UNC93A: variants seen among roughly 807,000 people sequenced by gnomAD.
UNC93A encodes N-acetylglucosamine transporter UNC93A.
Under a neutral mutation model 47.5 loss-of-function variants are expected in UNC93A, and 43 were observed. That is an observed-to-expected ratio of 0.91 (90% CI 0.71 to 1.17). The LOEUF (loss-of-function observed/expected upper bound fraction) is 1.17. UNC93A is among the 50% of genes most tolerant of loss of function. UNC93A has a pLI of 0.00. For synonymous variants in UNC93A, 280 were observed against 258.0 expected (o/e 1.09, Z -0.82); for missense variants, 605 against 577.6 (o/e 1.05, Z -0.49).
In UNC93A at chr6:167,307,771, AC is replaced by A; in HGVS notation, c.977-3del. ...CATCGCCTGGCGGTTTCCCCTCTGC[AC>A]CCCCAGGCGCGGTGACCCACGTGTC... On this transcript the variant is annotated splice_region_variant and splice_polypyrimidine_tract_variant and intron_variant, in intron 6 of 7. Coordinates refer to ENST00000230256, the MANE Select transcript of UNC93A (RefSeq NM_018974.4). 6.3e-7 allele frequency: 1 copy of A among 1,586,740 alleles called. No homozygotes were observed. The highest frequency in any genetic ancestry group is 8.5e-7 in the Non-Finnish European group (1 of 1,170,254).
chr6:167,310,526 G>A (rs1228436512), intron 7 of UNC93A, among the ~76,000 whole-genome samples: 1 of 152,274 alleles, frequency 6.6e-6, no homozygotes, highest in African/African-American at 2.4e-5. Context: ...AATAAGGGAT[G>A]CTAATTTAAA....
intron 2 of UNC93A, among the ~76,000 whole-genome samples, chr6:167,295,381 C>A (rs1379393083): frequency 6.6e-6 from 1 of 151,962 alleles, no homozygotes; most frequent in African/African-American, 2.4e-5. Context: ...TGTCCCTCGG[C>A]CTCCCTCGTG....
At chr6:167,287,006 T>G (rs1212284086), upstream of UNC93A, among the ~76,000 whole-genome samples, 1 of 140,392 alleles carries the variant, frequency 7.1e-6, no homozygotes, top group East Asian at 2.0e-4. Flanking sequence ...AAAAAAAAAT[T>G]CCAGCATAAT....
chr6:167,305,077 C>G (rs1016085182), intron 5 of UNC93A, among the ~76,000 whole-genome samples: 10 of 151,816 alleles, frequency 6.6e-5, no homozygotes, highest in African/African-American at 1.2e-4. Context: ...GGCAGAGGCT[C>G]TCCTTCCGGA....
chr6:167,285,960 C>CTA lies in UNC93A; in HGVS notation c.-51-5460_-51-5459dup, dbSNP rs71554919. ...TCTTTCTCTCTCTCTCTCTCTCTCT[C>CTA]TATATATATATATATATATACACAC... On this transcript the variant is annotated intron_variant, in intron 1 of 3. Coordinates refer to the UNC93A transcript ENST00000503433. Among the ~76,000 whole-genome samples, 248 of 139,376 alleles carry CTA rather than the reference C, an allele frequency of 1.8e-3. 3 individuals carry two copies. The highest frequency in any genetic ancestry group is 3.7e-3 in the African/African-American group (143 of 38,606). The allele number at this position is 139,376 out of a possible 152,430, so 91.4% of individuals were successfully genotyped here.
chr6:167,298,171 CT>C, intron 4 of UNC93A, 101 bp downstream of exon 4: 1 of 1,491,646 alleles, frequency 6.7e-7, no homozygotes, highest in Non-Finnish European at 8.9e-7. Context: ...AAAGTAATCT[CT>C]CTTCTTCTGA....
At chr6:167,284,693 G>C (rs1397571270) in intron 1 of UNC93A, among the ~76,000 whole-genome samples, 2 of 152,288 alleles carry the variant, frequency 1.3e-5, no homozygotes, top group African/African-American at 4.8e-5. Context: ...GGATTCCTTG[G>C]AAAAACAGAG....
intron 7 of UNC93A, among the ~76,000 whole-genome samples, chr6:167,308,297 C>T (rs1020177349): frequency 1.4e-4 from 21 of 152,126 alleles, no homozygotes; most frequent in African/African-American, 4.8e-4. Flanking sequence ...TGTACCTGGG[C>T]CTGGGGTGTA....
intron 1 of UNC93A, among the ~76,000 whole-genome samples, chr6:167,284,373 G>C (rs564059181): frequency 1.3e-3 from 204 of 152,126 alleles, no homozygotes; most frequent in Non-Finnish European, 1.8e-4. Context: ...CTGATGAGCA[G>C]ATAAATCAAG....
chr6:167,282,903 T>C (rs1368934758), intron 1 of UNC93A, among the ~76,000 whole-genome samples: 1 of 152,140 alleles, frequency 6.6e-6, no homozygotes, highest in Non-Finnish European at 1.5e-5. Flanking sequence ...ATTTTCTGAT[T>C]GGTAATCGGT....
At chr6:167,303,204 CATGCCTGCTTT>C (rs1370276649) in intron 4 of UNC93A, among the ~76,000 whole-genome samples, 1 of 152,206 alleles carries the variant, frequency 6.6e-6, no homozygotes, top group African/African-American at 2.4e-5. Context: ...ATAGAAAGTC[CATGCCTGCTTT>C]ATTCCTAGAC....
chr6:167,303,531 C>G (rs563344958), intron 4 of UNC93A, among the ~76,000 whole-genome samples: 4 of 150,816 alleles, frequency 2.7e-5, no homozygotes, highest in Non-Finnish European at 5.9e-5. Context: ...AATCATTATC[C>G]TAAAAAAAAA....
chr6:167,291,299 A>T, upstream of UNC93A: 1 of 488,528 alleles, frequency 2.0e-6, no homozygotes, highest in Non-Finnish European at 3.6e-6. Context: ...TCATGGGGTC[A>T]GTGATAACCA....
At chr6:167,290,255 T>A (rs868791583), upstream of UNC93A, among the ~76,000 whole-genome samples, 3 of 152,214 alleles carry the variant, frequency 2.0e-5, no homozygotes, top group Non-Finnish European at 2.9e-5. Flanking sequence ...CATGTTTAGT[T>A]AATATAAAAA....
intron 1 of UNC93A, among the ~76,000 whole-genome samples, chr6:167,293,126 C>T (rs1783880113): frequency 6.6e-6 from 1 of 152,292 alleles, no homozygotes; most frequent in African/African-American, 2.4e-5. Context: ...GCCTCTTCAG[C>T]CCCAGTTTGG....
chr6:167,285,487 G>A lies in UNC93A; in HGVS notation c.-51-5952G>A, dbSNP rs1299712936. On this transcript the variant is annotated intron_variant, in intron 1 of 3. Transcript: ENST00000503433. The stretch of plus-strand genomic sequence containing the variant: ...TTGGTGATGAGCCGGGACTCACACT[G>A]CAGTGCCCACATGTGCCTCGATGGT... Among the ~76,000 whole-genome samples the A allele has an allele frequency of 1.3e-5, 2 of 151,798 alleles. 1 individual carries two copies. Among genetic ancestry groups the A allele is most frequent in the Non-Finnish European group, 2.9e-5 (2 of 67,972 alleles).
intron 7 of UNC93A, among the ~76,000 whole-genome samples, chr6:167,311,963 T>A (rs1288419936): frequency 4.2e-5 from 6 of 144,068 alleles, no homozygotes; most frequent in Admixed American, 2.1e-4. Flanking sequence ...TTTATTTGGG[T>A]TCCTCCAGGC....
At position 167,296,383 on chromosome 6, in the gene UNC93A, G is replaced by T. The variant is rs1778089616; in HGVS notation, c.499+122G>T. On this transcript the variant is annotated intron_variant, in intron 3 of 7. Transcript: ENST00000230256. ...TTCTGTAACTTGAGCAGGTGAGTCA[G>T]GCCCCACAGGTGAGATTCTCAACCT... is the stretch of plus-strand genomic sequence containing the variant. The T allele has an allele frequency of 4.8e-6, 5 of 1,033,126 alleles. No homozygotes were observed. The Middle Eastern group carries it at 8.7e-4, about 179-fold the overall frequency. The allele number at this position is 1,033,126 out of a possible 1,614,324, so 64.0% of individuals were successfully genotyped here. A position where few individuals can be genotyped will look rare whatever the true frequency, so the allele number is the denominator to read the frequency against.
intron 1 of UNC93A, among the ~76,000 whole-genome samples, chr6:167,271,626 G>A (rs1783453494): frequency 6.6e-6 from 1 of 152,150 alleles, no homozygotes; most frequent in Non-Finnish European, 1.5e-5. Flanking sequence ...GGGAGGAAAA[G>A]TTTCCTTTTC....
Sources: allele counts gnomAD v4.1 joint callset (sites outside exome capture counted in the v4.1 genomes callset), GRCh38; gene constraint gnomAD v4.1.1; transcripts MANE v1.5; gene names NCBI Gene and HGNC (gene_info 2026-07-23, HGNC 2026-07-21).